The following XKR6 variants were observed in gnomAD, a reference collection of about 807,000 sequenced individuals.
XKR6 encodes the protein XK-related protein 6.
A neutral mutation model predicts 56.7 loss-of-function variants in XKR6; 22 were observed. The observed-to-expected ratio is 0.39, with a 90% CI of 0.28 to 0.55. The LOEUF (loss-of-function observed/expected upper bound fraction) is 0.55. XKR6 is among the 20% of genes least tolerant of loss of function. XKR6 has a pLI of 0.66. For missense variants in XKR6, 852 were observed against 889.0 expected, an observed-to-expected ratio of 0.96 and a Z score of 0.53; for synonymous variants, 524 against 387.8, an observed-to-expected ratio of 1.35 and a Z score of -4.13.
At chr8:10,967,931 G>C (rs117518292) in intron 1 of XKR6, among the ~76,000 whole-genome samples, 4,737 of 152,284 alleles carry the variant, frequency 0.031, 113 homozygotes, top group Middle Eastern at 0.058. Context: ...GCACTGGACA[G>C]AACCCCAGAG....
At chr8:10,932,840 G>A (rs947330063) in intron 1 of XKR6, among the ~76,000 whole-genome samples, 8 of 132,338 alleles carry the variant, frequency 6.0e-5, no homozygotes, top group Non-Finnish European at 1.1e-4. Flanking sequence ...GGACATTTGG[G>A]TTGGTTCCAA....
chr8:11,120,982 A>T (rs930958034), intron 1 of XKR6, among the ~76,000 whole-genome samples: 1 of 152,240 alleles, frequency 6.6e-6, no homozygotes, highest in South Asian at 2.1e-4. Context: ...CTGGCTAGCC[A>T]TATGGAGAAA....
intron 1 of XKR6, among the ~76,000 whole-genome samples, chr8:11,117,337 A>G (rs1212830108): frequency 2.6e-5 from 4 of 152,134 alleles, no homozygotes; most frequent in Non-Finnish European, 5.9e-5. Context: ...ACCCAGCAAA[A>G]ACCAACAGCA....
chr8:10,921,072 A>G (rs1263825676), intron 2 of XKR6, among the ~76,000 whole-genome samples: 1 of 152,258 alleles, frequency 6.6e-6, no homozygotes, highest in Non-Finnish European at 1.5e-5. Flanking sequence ...TGCTCTTGGC[A>G]GCATGCCCAA....
intron 1 of XKR6, among the ~76,000 whole-genome samples, chr8:10,942,695 T>C (rs539493859): frequency 9.2e-5 from 14 of 152,352 alleles, no homozygotes; most frequent in African/African-American, 3.4e-4. Flanking sequence ...AGAACAGGGC[T>C]AAGCTAGTTG....
At chr8:10,983,248 G>T (rs1344079579) in intron 1 of XKR6, among the ~76,000 whole-genome samples, 1 of 151,692 alleles carries the variant, frequency 6.6e-6, no homozygotes, top group East Asian at 1.9e-4. Context: ...TGCTTTTTTT[G>T]GGAAAAAATA....
At chr8:11,173,774 C>G (rs1180426427) in intron 1 of XKR6, among the ~76,000 whole-genome samples, 1 of 152,164 alleles carries the variant, frequency 6.6e-6, no homozygotes, top group African/African-American at 2.4e-5. Context: ...CCACCAGTTC[C>G]CTGATGCCAC....
In XKR6 at chr8:11,162,224, TGAG is replaced by T. The variant is rs537965039; in HGVS notation, c.764+38349_764+38351del. On this transcript the variant is annotated intron_variant, in intron 1 of 2. Transcript: ENST00000416569. ...TAAAGGTAGAGAAAGCTGGGAAAGT[TGAG>T]GAGAAGTGGTTGCTGCCCGTGGGCT... 7.6e-4 allele frequency among the ~76,000 whole-genome samples: 116 copies of T among 152,278 alleles called. 1 individual carries two copies. Among genetic ancestry groups the T allele is most frequent in the South Asian group, 2.5e-3 (12 of 4,820 alleles).
intron 1 of XKR6, among the ~76,000 whole-genome samples, chr8:11,110,370 T>C (rs947883508): frequency 6.6e-6 from 1 of 152,218 alleles, no homozygotes; most frequent in Non-Finnish European, 1.5e-5. Context: ...GCCAGGGGTA[T>C]TGGGGTAGAC....
At chr8:10,941,341 C>T (rs1045578141) in intron 1 of XKR6, among the ~76,000 whole-genome samples, 10 of 152,220 alleles carry the variant, frequency 6.6e-5, no homozygotes, top group Non-Finnish European at 1.5e-4. Context: ...CTTAGGAGCA[C>T]TCAGCACTTG....
intron 1 of XKR6, among the ~76,000 whole-genome samples, chr8:11,043,249 G>T (rs559852966): frequency 2.0e-5 from 3 of 152,082 alleles, no homozygotes; most frequent in Non-Finnish European, 2.9e-5. Context: ...CACTCTTAGC[G>T]TGAGCACTCA....
intron 1 of XKR6, among the ~76,000 whole-genome samples, chr8:10,963,388 T>C (rs1310739412): frequency 1.3e-5 from 2 of 152,174 alleles, no homozygotes; most frequent in African/African-American, 2.4e-5. Context: ...CTTTTTTCCA[T>C]AGCCATTTCC....
At chr8:11,087,273 A>G (rs1797921163) in intron 1 of XKR6, among the ~76,000 whole-genome samples, 1 of 152,134 alleles carries the variant, frequency 6.6e-6, no homozygotes, top group South Asian at 2.1e-4. Context: ...CTTGGCCTCC[A>G]CTATTGGTGA....
chr8:10,912,294 TAAAG>T (rs1347146140), intron 2 of XKR6, among the ~76,000 whole-genome samples: 3 of 89,332 alleles, frequency 3.4e-5, no homozygotes, highest in South Asian at 4.3e-4. Context: ...TATACATATA[TAAAG>T]AGAGGGTGTA....
intron 1 of XKR6, among the ~76,000 whole-genome samples, chr8:11,138,903 G>C (rs1800535897): frequency 6.7e-6 from 1 of 149,232 alleles, no homozygotes; most frequent in Non-Finnish European, 1.5e-5. Context: ...AAGTTATCTG[G>C]GCCATTTCAC....
chr8:11,118,419 C>T lies in XKR6; in HGVS notation c.764+82157G>A, dbSNP rs186372211. On this transcript the variant is annotated intron_variant, in intron 1 of 2. Coordinates refer to ENST00000416569, the MANE Select transcript of XKR6 (RefSeq NM_173683.4). ...TCCTTGTACCTCTGGTAGAATTCAT[C>T]TGTGAAACCCTCTGGTCCTGGACTT... is the stretch of plus-strand genomic sequence containing the variant. Among the ~76,000 whole-genome samples the T allele has an allele frequency of 1.6e-3, 244 of 152,334 alleles. 3 individuals carry two copies. The highest frequency in any genetic ancestry group is 3.4e-3 in the Middle Eastern group (1 of 294).
intron 1 of XKR6, among the ~76,000 whole-genome samples, chr8:10,945,754 C>T (rs78273233): frequency 6.6e-6 from 1 of 152,116 alleles, no homozygotes; most frequent in African/African-American, 2.4e-5. Flanking sequence ...TATTCCAAGC[C>T]CCCAGGGCAA....
intron 1 of XKR6, among the ~76,000 whole-genome samples, chr8:10,946,291 C>T (rs574474590): frequency 6.6e-6 from 1 of 152,058 alleles, no homozygotes; most frequent in Non-Finnish European, 1.5e-5. Context: ...TGAGAAAGGA[C>T]CCCCGACCCA....
chr8:11,097,068 A>C lies in XKR6; in HGVS notation c.764+103508T>G, dbSNP rs576863730. ...GAAGATGGAAGGTTGCCTAGAGTCA[A>C]GTTAAATCTGATTTCCTCAGAGATA... On this transcript the variant is annotated intron_variant, in intron 1 of 2. Transcript: ENST00000416569. Among the ~76,000 whole-genome samples, 4 of 152,306 alleles carry C rather than the reference A, an allele frequency of 2.6e-5. No individual in the cohort carries two copies. The South Asian group carries it at 8.3e-4, about 32-fold the overall frequency.
Sources: gnomAD v4.1 joint callset for allele counts (sites outside exome capture counted in the v4.1 genomes callset) on GRCh38, gnomAD v4.1.1 for gene constraint, MANE v1.5 for transcripts, NCBI Gene and HGNC (gene_info 2026-07-23, HGNC 2026-07-21) for gene names.